PKD1L1: variants seen among roughly 807,000 people sequenced by gnomAD.
PKD1L1 encodes polycystin 1 like 1, transient receptor potential channel interacting.
A neutral mutation model predicts 323.4 loss-of-function variants in PKD1L1; 236 were observed. The ratio of observed to expected loss-of-function variants is 0.73; its 90% CI spans 0.66 to 0.81. The LOEUF (loss-of-function observed/expected upper bound fraction) is 0.81. Among genes scored for constraint, PKD1L1 ranks in the 40% least tolerant of loss-of-function variants. PKD1L1 has a pLI of 0.00. For missense variants in PKD1L1, 3,320 were observed against 3,508.0 expected (o/e 0.95, Z 1.35); for synonymous variants, 1,344 against 1,335.0 (o/e 1.01, Z -0.15).
chr7:47,907,285 T>C (rs1787225675), intron 9 of PKD1L1, among the ~76,000 whole-genome samples: 1 of 152,230 alleles, frequency 6.6e-6, no homozygotes, highest in Non-Finnish European at 1.5e-5. Context: ...TCCTTTCTCC[T>C]GTTTCTGGGA....
chr7:47,844,637 A>G (rs898379485), intron 33 of PKD1L1, among the ~76,000 whole-genome samples: 1 of 152,242 alleles, frequency 6.6e-6, no homozygotes, highest in Non-Finnish European at 1.5e-5. Context: ...GACAATAAAC[A>G]TAAACCAGGA....
At chr7:47,847,551 A>AT (rs533536725) in intron 31 of PKD1L1, among the ~76,000 whole-genome samples, 39 of 149,530 alleles carry the variant, frequency 2.6e-4, no homozygotes, top group African/African-American at 5.1e-4. Context: ...TTAGCCTATC[A>AT]TTTTTTTTTT....
intron 8 of PKD1L1, among the ~76,000 whole-genome samples, chr7:47,909,621 T>C (rs1787276850): frequency 6.6e-6 from 1 of 152,218 alleles, no homozygotes; most frequent in Admixed American, 6.5e-5. Flanking sequence ...ACTTAGTACA[T>C]ACATAATAAA....
chr7:47,827,550 ATG>A (rs1785263579), intron 44 of PKD1L1, 82 bp from the exon 45 acceptor site: 6 of 1,200,488 alleles, frequency 5.0e-6, no homozygotes, highest in Non-Finnish European at 5.9e-6. Context: ...AAGCCAAGGA[ATG>A]TGTCATTGCT....
chr7:47,877,481 C>G lies in PKD1L1; in HGVS notation c.3663+8G>C, dbSNP rs371112124. ...TCTCTCAGGACAGACATGGGGTTGT[C>G]CACGTACCGGTTTTCCAGACATGCA... On this transcript the variant is annotated splice_region_variant and intron_variant, in intron 22 of 56. Coordinates refer to ENST00000289672, the MANE Select transcript of PKD1L1 (RefSeq NM_138295.5). 1 of 1,613,204 alleles carries G rather than the reference C, an allele frequency of 6.2e-7. No homozygotes were observed. The highest frequency in any genetic ancestry group is 1.3e-5 in the African/African-American group (1 of 74,874).
intron 28 of PKD1L1, among the ~76,000 whole-genome samples, chr7:47,856,300 A>T (rs1009962070): frequency 2.0e-5 from 3 of 152,102 alleles, no homozygotes; most frequent in African/African-American, 7.2e-5. Context: ...CGGCCTCCCA[A>T]ACTGCTGGGA....
intron 20 of PKD1L1, 85 bp downstream of exon 20, chr7:47,881,824 C>A: frequency 7.3e-7 from 1 of 1,362,306 alleles, no homozygotes; most frequent in South Asian, 1.5e-5. Flanking sequence ...TCTAGTAAAA[C>A]GAAAAGTTCA....
At chr7:47,942,845 A>G (rs1011369279) in intron 2 of PKD1L1, among the ~76,000 whole-genome samples, 2 of 152,072 alleles carry the variant, frequency 1.3e-5, no homozygotes, top group African/African-American at 2.4e-5. Flanking sequence ...CCAGTGAAGG[A>G]GTTAAAAATA....
intron 13 of PKD1L1, among the ~76,000 whole-genome samples, chr7:47,900,862 G>T (rs1302555264): frequency 6.6e-6 from 1 of 152,020 alleles, no homozygotes. Flanking sequence ...TAATCAAAAG[G>T]CTGCTTAATA....
Position 47,827,231 on chromosome 7 carries a change from C to A in PKD1L1, c.6854+119G>T, listed in dbSNP as rs954671017. 29 of 898,912 alleles carry A rather than the reference C, an allele frequency of 3.2e-5. No homozygotes were observed. In the African/African-American group the frequency reaches 4.0e-4, roughly 12 times the overall value. The allele number at this position is 898,912 out of a possible 1,614,324, so 55.7% of individuals were successfully genotyped here. A position where few individuals can be genotyped will look rare whatever the true frequency, so the allele number is the denominator to read the frequency against. ...TCTGGGGACAGCAAGGTGGTCCCCACCTCCACTCCCCACTCCTCCAGGAGA... is the reference window on the plus strand; with the variant it reads ...TCTGGGGACAGCAAGGTGGTCCCCAACTCCACTCCCCACTCCTCCAGGAGA... On this transcript the variant is annotated intron_variant, in intron 45 of 56. Transcript: ENST00000289672.
chr7:47,906,866 A>G (rs930404635), intron 9 of PKD1L1, among the ~76,000 whole-genome samples: 16 of 152,056 alleles, frequency 1.1e-4, no homozygotes, highest in African/African-American at 3.9e-4. Context: ...CTGAAAATTA[A>G]TTCTGAGCAC....
rs1273494929 is a variant in PKD1L1 at position 47,905,939 on chromosome 7, GA to G, written c.1425del (p.Pro476HisfsTer25). 1 of 1,609,372 alleles carries G rather than the reference GA, an allele frequency of 6.2e-7. No homozygotes were observed. The stretch of plus-strand genomic sequence containing the variant: ...GACACGTTATATGAAGGAATAGATG[GA>G]AAGTGATGTATAACCACAGTGCCTA... ...NQKSTVVIHH[F>X]PSIPSYNVSF... On this transcript the variant is annotated frameshift_variant, in exon 10 of 57. Transcript: ENST00000289672. LOFTEE classifies it high-confidence loss of function.
chr7:47,889,531 C>T (rs1055238869), intron 16 of PKD1L1, among the ~76,000 whole-genome samples: 20 of 152,040 alleles, frequency 1.3e-4, no homozygotes, highest in Admixed American at 1.2e-3. Flanking sequence ...ATGGCATGGC[C>T]CACTCTTATC....
At chr7:47,914,800 G>A (rs1583670243) in intron 8 of PKD1L1, among the ~76,000 whole-genome samples, 1 of 151,766 alleles carries the variant, frequency 6.6e-6, no homozygotes, top group South Asian at 2.1e-4. Context: ...GGTGGGTGGG[G>A]TGTGGTTATG....
At chr7:47,959,027 T>G in the PKD1L1 span, among the ~76,000 whole-genome samples, 3 of 152,268 alleles carry the variant, frequency 2.0e-5, no homozygotes, top group African/African-American at 7.2e-5. Flanking sequence ...TTTCGCTGTG[T>G]TGGCCGGGCT....
chr7:47,780,062 T>G (rs918092214), intron 56 of PKD1L1, among the ~76,000 whole-genome samples: 2 of 152,188 alleles, frequency 1.3e-5, no homozygotes, highest in Admixed American at 6.5e-5. Context: ...TAACTGTAGA[T>G]TCACACACAG....
chr7:47,775,684 G>A (rs1786551049), intron 56 of PKD1L1, among the ~76,000 whole-genome samples: 2 of 151,548 alleles, frequency 1.3e-5, no homozygotes, highest in South Asian at 4.2e-4. Flanking sequence ...AAAGAAGAAA[G>A]GTCTTAAATG....
At chr7:47,861,664 C>G (rs1212703253) in intron 26 of PKD1L1, among the ~76,000 whole-genome samples, 2 of 151,990 alleles carry the variant, frequency 1.3e-5, no homozygotes. Flanking sequence ...GGGCGGATCA[C>G]AAGGTCAGGA....
chr7:47,788,757 G>A (rs980615564), intron 56 of PKD1L1, among the ~76,000 whole-genome samples: 8 of 151,124 alleles, frequency 5.3e-5, no homozygotes, highest in Non-Finnish European at 1.0e-4. Flanking sequence ...CACCACACCC[G>A]GCTAATTTGT....
Sources: allele counts gnomAD v4.1 joint callset (sites outside exome capture counted in the v4.1 genomes callset), GRCh38; gene constraint gnomAD v4.1.1; transcripts MANE v1.5; gene names NCBI Gene and HGNC (gene_info 2026-07-23, HGNC 2026-07-21).